Variants in ZNF77 observed in about 807,000 individuals in gnomAD.
ZNF77 encodes ZNFpT1.
Under a neutral mutation model 13.5 loss-of-function variants are expected in ZNF77, and 15 were observed. That is an observed-to-expected ratio of 1.11 (90% CI 0.74 to 1.71). The LOEUF (loss-of-function observed/expected upper bound fraction) is 1.71. ZNF77 is among the 40% of genes most tolerant of loss of function. ZNF77 has a pLI of 0.00. For missense variants in ZNF77, 717 were observed against 676.4 expected (o/e 1.06, Z -0.67); for synonymous variants, 282 against 250.0 (o/e 1.13, Z -1.21).
chr19:2,939,607 C>T (rs73527691), intron 1 of ZNF77, 200 bp from the exon 2 acceptor site: 1 of 632,538 alleles, frequency 1.6e-6, no homozygotes, highest in Admixed American at 3.1e-5. Flanking sequence ...CAATGACGGC[C>T]TCTGCCAGAG....
Position 2,933,542 on chromosome 19 carries a change from A to G in ZNF77, c.1585T>C (p.Phe529Leu), listed in dbSNP as rs1444815381. Residue 529 changes from phenylalanine (F) to leucine (L), a missense_variant, in exon 4 of 4, where the codon TTC (phenylalanine) becomes CTC (leucine). Coordinates refer to ENST00000314531, the MANE Select transcript of ZNF77 (RefSeq NM_021217.3). ...PYECKQCGKT[F>L]RYLASLQAHV... is the part of the protein sequence containing the mutation. ...GCTTGAAGCGATGCGAGATACCTGA[A>G]GGTTTTCCCACACTGCTTGCATTCA... 1 of 1,607,300 alleles carries G rather than the reference A, an allele frequency of 6.2e-7. No individual in the cohort carries two copies. The highest frequency in any genetic ancestry group is 2.2e-5 in the East Asian group (1 of 44,718).
At chr19:2,937,686 G>A (rs1223022914) in intron 2 of ZNF77, among the ~76,000 whole-genome samples, 1 of 152,128 alleles carries the variant, frequency 6.6e-6, no homozygotes, top group African/African-American at 2.4e-5. Flanking sequence ...GGGTGCAGGA[G>A]AAGCCACACA....
At chr19:2,942,256 G>T (rs1452219074) in intron 1 of ZNF77, among the ~76,000 whole-genome samples, 1 of 151,670 alleles carries the variant, frequency 6.6e-6, no homozygotes. Context: ...ATTTTTAGTA[G>T]AGACGGGGTT....
intron 1 of ZNF77, among the ~76,000 whole-genome samples, 171 bp downstream of exon 1, chr19:2,944,667 G>GCC (rs955205374): frequency 6.6e-6 from 1 of 152,044 alleles, no homozygotes. Flanking sequence ...ACCCCAGACT[G>GCC]CCCCCAGCCC....
At chr19:2,938,685 G>T (rs895617668) in intron 2 of ZNF77, among the ~76,000 whole-genome samples, 10 of 152,140 alleles carry the variant, frequency 6.6e-5, no homozygotes, top group Admixed American at 5.9e-4. Flanking sequence ...GGCCGGGCGC[G>T]GTGGCTCACG....
chr19:2,942,124 T>G (rs1387695793), intron 1 of ZNF77, among the ~76,000 whole-genome samples: 1 of 150,810 alleles, frequency 6.6e-6, no homozygotes, highest in Non-Finnish European at 1.5e-5. Context: ...CAGGCTGGAG[T>G]GCAGTGAAAC....
rs201283660 is a variant in ZNF77, at chr19:2,936,487, G to T, written c.311+37C>A. ...GAATTGCAAGTTAGTTTGATGCTCT[G>T]CGGAGAGGCCCATCCCTCCGGTTGA... On this transcript the variant is annotated intron_variant, in intron 3 of 3. Transcript: ENST00000314531. 7 of 1,545,502 alleles carry T rather than the reference G, an allele frequency of 4.5e-6. No homozygotes were observed. In the East Asian group the frequency reaches 1.7e-4, roughly 37 times the overall value.
intron 1 of ZNF77, 50 bp from the exon 2 acceptor site, chr19:2,939,457 G>C: frequency 6.2e-7 from 1 of 1,603,316 alleles, no homozygotes; most frequent in South Asian, 1.1e-5. Context: ...CCTCCCCCAT[G>C]TGCGCAGGAA....
intron 1 of ZNF77, 170 bp from the exon 2 acceptor site, chr19:2,939,577 TC>T: frequency 1.2e-6 from 1 of 857,750 alleles, no homozygotes; most frequent in Non-Finnish European, 1.8e-6. Context: ...GTGAGTACCT[TC>T]CCAACAGGGA....
chr19:2,934,302 T>C lies in ZNF77; in HGVS notation c.825A>G (p.Lys275=), dbSNP rs2144958119. The stretch of plus-strand genomic sequence containing the variant: ...GAAAGTATGAGGGACAGCTGAAGGC[T>C]TTCCCACACTCCTTACACTCATAGG... ...EKPYECKECG[K]AFSCPSYFRE... Residue 275 remains lysine (K), a synonymous_variant, in exon 4 of 4, where the codon AAA becomes AAG. Transcript: ENST00000314531. 1.9e-6 allele frequency: 3 copies of C among 1,613,592 alleles called. No homozygotes were observed. The highest frequency in any genetic ancestry group is 2.5e-6 in the Non-Finnish European group (3 of 1,179,554).
chr19:2,944,311 C>T (rs1266991104), intron 1 of ZNF77, among the ~76,000 whole-genome samples: 4 of 146,438 alleles, frequency 2.7e-5, no homozygotes, highest in Admixed American at 6.9e-5. Context: ...TACTGTCCCC[C>T]TAAACTGCCT....
At chr19:2,944,007 G>A (rs971951973) in intron 1 of ZNF77, among the ~76,000 whole-genome samples, 3 of 151,868 alleles carry the variant, frequency 2.0e-5, no homozygotes, top group African/African-American at 7.3e-5. Context: ...ACCGCGCCCG[G>A]CCCAGGATTT....
rs138603478 is a variant in ZNF77, at chr19:2,936,563, T to A, written c.272A>T (p.Asn91Ile). The change falls in exon 3 of 4, where the codon AAC becomes ATC. Residue 91 changes from asparagine (N) to isoleucine (I), a missense_variant. Asn to Ile is a moderately radical substitution (Grantham distance 149, BLOSUM62 -3). Transcript: ENST00000314531. ...SIFGENWRFD[N>I]TGDQHQIPQR... The stretch of plus-strand genomic sequence containing the variant: ...TGGGATTTGGTGCTGATCTCCAGTG[T>A]TATCAAATCTCCAATTTTCTCCAAA... 5 of 1,611,038 alleles carry A rather than the reference T, an allele frequency of 3.1e-6. No individual in the cohort carries two copies. Among genetic ancestry groups the A allele is most frequent in the Non-Finnish European group, 4.2e-6 (5 of 1,179,250 alleles).
At chr19:2,936,474 A>T in intron 3 of ZNF77, 50 bp downstream of exon 3, 6 of 1,507,286 alleles carry the variant, frequency 4.0e-6, no homozygotes, top group Non-Finnish European at 5.3e-6. Context: ...ATTGCAAGTT[A>T]GTTTGATGCT....
intron 1 of ZNF77, among the ~76,000 whole-genome samples, chr19:2,943,313 C>T (rs1412049086): frequency 6.6e-6 from 1 of 152,072 alleles, no homozygotes; most frequent in East Asian, 1.9e-4. Flanking sequence ...TCCCCCTCCC[C>T]CAATACCTCG....
chr19:2,939,311 G>C lies in ZNF77; in HGVS notation c.100C>G (p.Leu34Val), dbSNP rs2088429224. Residue 34 changes from leucine (L) to valine (V), a missense_variant, in exon 2 of 4, where the codon CTG becomes GTG. Physicochemically the swap from Leu to Val is conservative, Grantham distance 32. Transcript: ENST00000314531. ...GAGGCAAGGTTCCTGCAGGTCTCCA[G>C]CATCACATCTCTGTAGAGGCTCCTC... ...AQRSLYRDVM[L>V]ETCRNLASLD... 1 of 1,614,136 alleles carries C rather than the reference G, an allele frequency of 6.2e-7. No homozygotes were observed. Among genetic ancestry groups the C allele is most frequent in the Non-Finnish European group, 8.5e-7 (1 of 1,180,006 alleles).
chr19:2,938,795 A>C (rs1279537997), intron 2 of ZNF77, among the ~76,000 whole-genome samples: 1 of 152,028 alleles, frequency 6.6e-6, no homozygotes, highest in Non-Finnish European at 1.5e-5. Context: ...TCTCTACTAA[A>C]GCTACAAAAA....
chr19:2,944,310 C>G (rs959554587), intron 1 of ZNF77, among the ~76,000 whole-genome samples: 4 of 145,888 alleles, frequency 2.7e-5, no homozygotes, highest in Non-Finnish European at 4.5e-5. Context: ...CTACTGTCCC[C>G]CTAAACTGCC....
At chr19:2,939,078 G>C (rs78850150) in intron 2 of ZNF77, among the ~76,000 whole-genome samples, 35,548 of 84,592 alleles carry the variant, frequency 0.42, 8,663 homozygotes, top group Non-Finnish European at 0.52. Context: ...TACCCAAGGA[G>C]GCAGTGAGGG....
Sources: gnomAD v4.1 joint callset for allele counts (sites outside exome capture counted in the v4.1 genomes callset) on GRCh38, gnomAD v4.1.1 for gene constraint, MANE v1.5 for transcripts, NCBI Gene and HGNC (gene_info 2026-07-23, HGNC 2026-07-21) for gene names.